Variants in CSMD3 observed in about 807,000 individuals in gnomAD.
CSMD3 encodes the protein CUB and Sushi multiple domains 3, also known as CUB and sushi domain-containing protein 3.
A neutral mutation model predicts 435.2 loss-of-function variants in CSMD3; 177 were observed. The ratio of observed to expected loss-of-function variants is 0.41; its 90% confidence interval spans 0.36 to 0.46. The LOEUF (loss-of-function observed/expected upper bound fraction) is 0.46. CSMD3 is among the 20% of genes least tolerant of loss of function. The pLI is 0.34. For synonymous variants in CSMD3, 1,656 were observed against 1,520.5 expected (o/e 1.09, Z -2.07); for missense variants, 4,265 against 4,504.6 (o/e 0.95, Z 1.52).
intron 10 of CSMD3, among the ~76,000 whole-genome samples, chr8:112,882,094 T>G (rs1382255987): frequency 6.6e-6 from 1 of 151,718 alleles, no homozygotes; most frequent in Non-Finnish European, 1.5e-5. Context: ...AAATCAGAAA[T>G]AGGGAAGCCT....
In CSMD3 at chr8:112,484,618, C is replaced by T. The variant is rs575477198; in HGVS notation, c.5278+7871G>A. On this transcript the variant is annotated intron_variant, in intron 31 of 70. Transcript: ENST00000297405. ...GGTAGTTGAGAATGGGGCACATCTT[C>T]GTACAATGAGAATCCATATGACTGT... Among the ~76,000 whole-genome samples the T allele has an allele frequency of 8.6e-5, 13 of 151,966 alleles. No individual in the cohort carries two copies. In the South Asian group the frequency reaches 1.0e-3, roughly 12 times the overall value.
intron 13 of CSMD3, among the ~76,000 whole-genome samples, chr8:112,775,461 A>G (rs1179538476): frequency 6.6e-6 from 1 of 151,882 alleles, no homozygotes; most frequent in Non-Finnish European, 1.5e-5. Flanking sequence ...TATATTATAT[A>G]CAATAATTTA....
At chr8:112,351,851 C>A (rs1826164025) in intron 39 of CSMD3, among the ~76,000 whole-genome samples, 1 of 151,594 alleles carries the variant, frequency 6.6e-6, no homozygotes, top group Non-Finnish European at 1.5e-5. Context: ...TGAGTTTATT[C>A]TTTAAGGAAA....
At chr8:112,591,825 A>G (rs1831216286) in intron 22 of CSMD3, among the ~76,000 whole-genome samples, 1 of 151,986 alleles carries the variant, frequency 6.6e-6, no homozygotes, top group African/African-American at 2.4e-5. Flanking sequence ...ATGTGAATTC[A>G]GATTTTTTTT....
intron 2 of CSMD3, among the ~76,000 whole-genome samples, chr8:113,297,335 A>G (rs1344142016): frequency 6.6e-6 from 1 of 152,084 alleles, no homozygotes; most frequent in Non-Finnish European, 1.5e-5. Context: ...TACTGTCAGT[A>G]TTATGAATGA....
intron 45 of CSMD3, among the ~76,000 whole-genome samples, chr8:112,330,872 G>T (rs2130923044): frequency 6.6e-6 from 1 of 152,062 alleles, no homozygotes; most frequent in South Asian, 2.1e-4. Flanking sequence ...ATGAATTTTA[G>T]CTGTTGTTAT....
intron 10 of CSMD3, among the ~76,000 whole-genome samples, chr8:112,881,872 C>G (rs1162655191): frequency 6.6e-6 from 1 of 151,890 alleles, no homozygotes; most frequent in Non-Finnish European, 1.5e-5. Flanking sequence ...CACTTATTTA[C>G]AGGAGAGTCT....
At chr8:113,424,431 T>A (rs1296417611) in intron 1 of CSMD3, among the ~76,000 whole-genome samples, 3 of 151,684 alleles carry the variant, frequency 2.0e-5, no homozygotes, top group Non-Finnish European at 3.0e-5. Flanking sequence ...ATCTGTTATA[T>A]TTATATTTAG....
intron 32 of CSMD3, among the ~76,000 whole-genome samples, chr8:112,464,676 A>T (rs73702882): frequency 0.017 from 2,647 of 152,242 alleles, 78 homozygotes; most frequent in African/African-American, 0.06. Flanking sequence ...TATAATGTAA[A>T]AATATGAAAT....
At chr8:112,272,781 A>G (rs914649933) in intron 59 of CSMD3, among the ~76,000 whole-genome samples, 5 of 152,196 alleles carry the variant, frequency 3.3e-5, no homozygotes, top group African/African-American at 1.2e-4. Flanking sequence ...TACCACATAT[A>G]AACACTATCA....
chr8:112,944,547 T>C (rs746768056), intron 9 of CSMD3, among the ~76,000 whole-genome samples: 12 of 151,800 alleles, frequency 7.9e-5, no homozygotes, highest in African/African-American at 2.2e-4. Context: ...GTAGTTTATA[T>C]AACTTGAAGT....
At chr8:112,752,735 A>C (rs1295768137) in intron 13 of CSMD3, among the ~76,000 whole-genome samples, 1 of 152,224 alleles carries the variant, frequency 6.6e-6, no homozygotes, top group Non-Finnish European at 1.5e-5. Flanking sequence ...TAGTCAATAT[A>C]TATTCTCTAA....
At chr8:112,356,230 A>T (rs1186235316) in intron 38 of CSMD3, among the ~76,000 whole-genome samples, 1 of 152,212 alleles carries the variant, frequency 6.6e-6, no homozygotes. Flanking sequence ...ATGCACTCGT[A>T]TGTTTATCAC....
intron 24 of CSMD3, among the ~76,000 whole-genome samples, chr8:112,564,518 T>C (rs1828914057): frequency 6.6e-6 from 1 of 151,950 alleles, no homozygotes; most frequent in Non-Finnish European, 1.5e-5. Context: ...CTTGATGATT[T>C]TGGAAATGCA....
intron 7 of CSMD3, among the ~76,000 whole-genome samples, chr8:112,960,492 C>A (rs1444264262): frequency 6.6e-6 from 1 of 151,636 alleles, no homozygotes; most frequent in Non-Finnish European, 1.5e-5. Context: ...GATAATGTTT[C>A]TGGGTTACAC....
chr8:113,033,099 G>C (rs1319721650), intron 5 of CSMD3, among the ~76,000 whole-genome samples: 1 of 151,588 alleles, frequency 6.6e-6, no homozygotes, highest in African/African-American at 2.4e-5. Context: ...CCAGGCAGAA[G>C]AGCTCTCATG....
chr8:112,925,431 C>T (rs944000718), intron 9 of CSMD3, among the ~76,000 whole-genome samples: 6 of 151,832 alleles, frequency 4.0e-5, no homozygotes, highest in South Asian at 2.1e-4. Context: ...AGCGTGTTGG[C>T]GGGCACCTGT....
intron 3 of CSMD3, among the ~76,000 whole-genome samples, chr8:113,198,456 A>G (rs928880333): frequency 3.3e-5 from 5 of 151,276 alleles, no homozygotes; most frequent in Non-Finnish European, 7.4e-5. Context: ...AATGTTTATC[A>G]GCTCCAATTT....
chr8:112,407,983 C>T (rs138437533), intron 34 of CSMD3, among the ~76,000 whole-genome samples: 1 of 151,606 alleles, frequency 6.6e-6, no homozygotes, highest in Non-Finnish European at 1.5e-5. Context: ...ATTTCGAGTG[C>T]TAAACTAAAT....
Sources: gnomAD v4.1 joint callset for allele counts (sites outside exome capture counted in the v4.1 genomes callset) on GRCh38, gnomAD v4.1.1 for gene constraint, MANE v1.5 for transcripts, NCBI Gene and HGNC (gene_info 2026-07-23, HGNC 2026-07-21) for gene names.